SUGCT: variants seen among roughly 807,000 people sequenced by gnomAD.
SUGCT encodes the protein succinyl-CoA:glutarate CoA-transferase.
SUGCT carries 41 observed loss-of-function variants against 55.0 expected under a neutral mutation model. The ratio of observed to expected loss-of-function variants is 0.74; its 90% confidence interval spans 0.58 to 0.97. The LOEUF (loss-of-function observed/expected upper bound fraction) is 0.97. SUGCT is among the 50% of genes least tolerant of loss of function. The pLI, the probability that SUGCT is intolerant of heterozygous loss-of-function variation, is 0.00. For missense variants in SUGCT, 568 were observed against 547.8 expected (o/e 1.04, Z -0.37); for synonymous variants, 187 against 200.4 (o/e 0.93, Z 0.56).
intron 9 of SUGCT, among the ~76,000 whole-genome samples, chr7:40,338,285 A>T (rs1164961470): frequency 6.6e-6 from 1 of 152,070 alleles, no homozygotes; most frequent in African/African-American, 2.4e-5. Context: ...CTGAATTTGA[A>T]TGTTGGCCTG....
intron 1 of SUGCT, among the ~76,000 whole-genome samples, chr7:40,139,086 T>C (rs898725376): frequency 1.3e-5 from 2 of 151,376 alleles, no homozygotes; most frequent in African/African-American, 4.9e-5. Context: ...AGATTGCCCA[T>C]TGTACTCCAG....
chr7:41,020,041 A>G, the SUGCT span, among the ~76,000 whole-genome samples: 1 of 152,104 alleles, frequency 6.6e-6, no homozygotes, highest in Non-Finnish European at 1.5e-5. Flanking sequence ...CTTCTCACTC[A>G]TTTTATCATT....
intron 8 of SUGCT, among the ~76,000 whole-genome samples, chr7:40,280,786 TA>T (rs1312984347): frequency 1.3e-5 from 2 of 152,196 alleles, no homozygotes; most frequent in Non-Finnish European, 2.9e-5. Flanking sequence ...TTACATATCA[TA>T]AAAATGACAA....
chr7:40,613,714 G>C lies in SUGCT; in HGVS notation c.1089+117328G>C, dbSNP rs574737819. Among the ~76,000 whole-genome samples the C allele has an allele frequency of 3.6e-4, 54 of 151,840 alleles. 1 individual carries two copies. Among genetic ancestry groups the C allele is most frequent in the Admixed American group, 6.6e-4 (10 of 15,244 alleles). ...CAACCTCCGCCTCCCGGGTTCAAGC[G>C]ATTCTCCTGCCCCAGCCTCCCAAGT... On this transcript the variant is annotated intron_variant, in intron 12 of 13. Transcript: ENST00000335693.
chr7:40,653,905 T>TGAC (rs1272765669), intron 12 of SUGCT, among the ~76,000 whole-genome samples: 1 of 152,084 alleles, frequency 6.6e-6, no homozygotes, highest in Non-Finnish European at 1.5e-5. Flanking sequence ...GACTCCTGTG[T>TGAC]GACACAGTAG....
the SUGCT span, among the ~76,000 whole-genome samples, chr7:40,866,848 C>T: frequency 1.1e-4 from 17 of 151,956 alleles, no homozygotes; most frequent in Non-Finnish European, 2.2e-4. Flanking sequence ...TGACAAACCA[C>T]GGAGAGATGA....
chr7:40,832,984 C>A (rs1383655503), intron 13 of SUGCT, among the ~76,000 whole-genome samples: 1 of 151,876 alleles, frequency 6.6e-6, no homozygotes, highest in African/African-American at 2.4e-5. Context: ...TCTTCCACTC[C>A]TACTTCTATT....
At chr7:40,571,168 G>A (rs376531591) in intron 12 of SUGCT, among the ~76,000 whole-genome samples, 1 of 152,042 alleles carries the variant, frequency 6.6e-6, no homozygotes, top group East Asian at 1.9e-4. Flanking sequence ...AAAACATATT[G>A]CATTGTATTA....
the SUGCT span, among the ~76,000 whole-genome samples, chr7:41,015,183 G>A: frequency 6.6e-6 from 1 of 152,156 alleles, no homozygotes; most frequent in Non-Finnish European, 1.5e-5. Flanking sequence ...AGCAGAGATC[G>A]AAGAAGAGGC....
chr7:40,854,192 A>G lies in SUGCT; in HGVS notation c.1154-6124A>G, dbSNP rs185402965. Among the ~76,000 whole-genome samples, 4 of 152,168 alleles carry G rather than the reference A, an allele frequency of 2.6e-5. No individual in the cohort carries two copies. The East Asian group carries it at 5.8e-4, about 22-fold the overall frequency. On this transcript the variant is annotated intron_variant, in intron 13 of 13. Transcript: ENST00000335693. ...TCTAATTATTATTTTTTCTTGTATG[A>G]TGTAACTTATTATTATATTTTTCCA...
intron 9 of SUGCT, among the ~76,000 whole-genome samples, chr7:40,371,976 G>C (rs1784317273): frequency 6.7e-6 from 1 of 150,160 alleles, no homozygotes. Flanking sequence ...ACACACATCT[G>C]TATAAAAATA....
At chr7:40,407,002 C>A (rs1036535306) in intron 9 of SUGCT, among the ~76,000 whole-genome samples, 1 of 151,644 alleles carries the variant, frequency 6.6e-6, no homozygotes, top group Non-Finnish European at 1.5e-5. Flanking sequence ...AAACAAGTTT[C>A]GAAATAAAGT....
chr7:40,788,149 G>A (rs1409766072), intron 13 of SUGCT, among the ~76,000 whole-genome samples: 2 of 152,148 alleles, frequency 1.3e-5, no homozygotes, highest in Admixed American at 6.5e-5. Context: ...GTATTGAGGA[G>A]TCATTCTCCC....
intron 9 of SUGCT, among the ~76,000 whole-genome samples, chr7:40,433,839 C>T (rs758871918): frequency 6.6e-5 from 10 of 152,098 alleles, no homozygotes; most frequent in Non-Finnish European, 8.8e-5. Flanking sequence ...ACATATTCTC[C>T]ACCTTTATTT....
intron 7 of SUGCT, among the ~76,000 whole-genome samples, chr7:40,238,352 T>C (rs1789144921): frequency 6.6e-6 from 1 of 152,090 alleles, no homozygotes; most frequent in African/African-American, 2.4e-5. Context: ...CTAACAAGTA[T>C]TTAGATGGCC....
chr7:40,233,789 CAAATT>C (rs1361938941), intron 6 of SUGCT, among the ~76,000 whole-genome samples: 1 of 152,014 alleles, frequency 6.6e-6, no homozygotes, highest in African/African-American at 2.4e-5. Flanking sequence ...GTTATCTAAT[CAAATT>C]AAATCCTCAT....
intron 13 of SUGCT, among the ~76,000 whole-genome samples, chr7:40,782,312 A>T (rs760846865): frequency 6.6e-6 from 1 of 152,246 alleles, no homozygotes; most frequent in East Asian, 1.9e-4. Context: ...TGACCAATTC[A>T]TCAGTAACTT....
At chr7:40,762,514 A>G (rs1788581934) in intron 13 of SUGCT, among the ~76,000 whole-genome samples, 1 of 152,214 alleles carries the variant, frequency 6.6e-6, no homozygotes, top group Non-Finnish European at 1.5e-5. Flanking sequence ...GAAGTATATT[A>G]GGGAAACAGT....
At chr7:40,572,773 G>A (rs1227710644) in intron 12 of SUGCT, among the ~76,000 whole-genome samples, 1 of 152,152 alleles carries the variant, frequency 6.6e-6, no homozygotes, top group East Asian at 1.9e-4. Flanking sequence ...CAGGGATGCT[G>A]TGATGAACGA....
Sources: gnomAD v4.1 joint callset for allele counts (sites outside exome capture counted in the v4.1 genomes callset) on GRCh38, gnomAD v4.1.1 for gene constraint, MANE v1.5 for transcripts, NCBI Gene and HGNC (gene_info 2026-07-23, HGNC 2026-07-21) for gene names.